PEX5: variants seen among roughly 807,000 people sequenced by gnomAD.
The protein encoded by PEX5 is PTS1 receptor.
PEX5 carries 52 observed loss-of-function variants against 82.9 expected under a neutral mutation model. The observed-to-expected ratio is 0.63, with a 90% confidence interval of 0.50 to 0.79. The LOEUF (loss-of-function observed/expected upper bound fraction) is 0.79. PEX5 is among the 30% of genes least tolerant of loss of function. The pLI, the probability that PEX5 is intolerant of heterozygous loss-of-function variation, is 0.00. For synonymous variants in PEX5, 300 were observed against 318.8 expected, an observed-to-expected ratio of 0.94 and a Z score of 0.63; for missense variants, 719 against 815.2, an observed-to-expected ratio of 0.88 and a Z score of 1.44.
chr12:7,212,642 T>G (rs987486747), downstream of PEX5: 1 of 152,180 alleles, frequency 6.6e-6, no homozygotes, highest in Non-Finnish European at 1.5e-5. Flanking sequence ...GGTCAATTAT[T>G]TACAGATTGT....
chr12:7,202,184 A>G (rs1944156954), intron 7 of PEX5, 57 bp from the exon 8 acceptor site: 1 of 1,612,712 alleles, frequency 6.2e-7, no homozygotes, highest in African/African-American at 1.3e-5. Flanking sequence ...GGCATGGTTG[A>G]GAGTGCACAC....
intron 5 of PEX5, 25 bp downstream of exon 5, chr12:7,191,725 A>C: frequency 1.2e-6 from 2 of 1,608,164 alleles, no homozygotes; most frequent in Non-Finnish European, 1.7e-6. Context: ...GGGAAAATCT[A>C]TATTGGCTTC....
downstream of PEX5, among the ~76,000 whole-genome samples, chr12:7,212,275 C>CTT (rs1035321354): frequency 1.1e-4 from 17 of 151,450 alleles, no homozygotes; most frequent in Admixed American, 7.2e-4. Context: ...AAAAAAAAGT[C>CTT]TAACTTTTAA....
chr12:7,214,865 T>C (rs1033600395), downstream of PEX5, among the ~76,000 whole-genome samples: 14 of 152,120 alleles, frequency 9.2e-5, no homozygotes, highest in Non-Finnish European at 1.6e-4. Context: ...ATAATACTGA[T>C]AATGATATCA....
Position 7,191,272 on chromosome 12 carries a change from G to T in PEX5, c.230G>T (p.Arg77Leu), listed in dbSNP as rs780957318. ...LQDQNAPLVS[R>L]APQTFKMDDL... ...GACCAGAATGCACCCCTTGTGTCCCGTGCCCCTCAGACCTTCAAGATGGAT... is the reference window on the plus strand; with the variant it reads ...GACCAGAATGCACCCCTTGTGTCCCTTGCCCCTCAGACCTTCAAGATGGAT... The change falls in exon 4 of 16, where the codon CGT (arginine) becomes CTT (leucine). Residue 77 changes from arginine (R) to leucine (L), a missense_variant. Arg to Leu is a moderately radical substitution (Grantham distance 102). Transcript: ENST00000675855. The T allele has an allele frequency of 6.2e-7, 1 of 1,614,070 alleles. No homozygotes were observed. The highest frequency in any genetic ancestry group is 8.5e-7 in the Non-Finnish European group (1 of 1,180,006).
chr12:7,195,562 T>C (rs1941926805), intron 5 of PEX5, among the ~76,000 whole-genome samples: 1 of 152,054 alleles, frequency 6.6e-6, no homozygotes, highest in Non-Finnish European at 1.5e-5. Context: ...ATATCTATTG[T>C]TAAGTCCTCA....
chr12:7,200,901 C>T (rs144257476), intron 6 of PEX5, among the ~76,000 whole-genome samples: 1,735 of 147,840 alleles, frequency 0.012, 29 homozygotes, highest in African/African-American at 0.042. Flanking sequence ...GGAGAGAGAC[C>T]GTAGGGAGAG....
At chr12:7,190,310 T>G in intron 1 of PEX5, 52 bp from the exon 2 acceptor site, 1 of 1,605,152 alleles carries the variant, frequency 6.2e-7, no homozygotes, top group Non-Finnish European at 8.5e-7. Context: ...GTTGTGGATG[T>G]GAGAAGGGTC....
At chr12:7,196,181 TTA>T (rs1488150728) in intron 5 of PEX5, among the ~76,000 whole-genome samples, 73 of 143,216 alleles carry the variant, frequency 5.1e-4, no homozygotes, top group African/African-American at 1.8e-3. Context: ...ACATTATATA[TTA>T]TATATAATGT....
intron 5 of PEX5, 130 bp downstream of exon 5, chr12:7,191,830 T>G: frequency 1.2e-6 from 1 of 839,250 alleles, no homozygotes; most frequent in East Asian, 2.5e-5. Flanking sequence ...GGTAGGGTAC[T>G]GAACTCAATT....
chr12:7,208,316 T>C lies in PEX5; in HGVS notation c.1182-141T>C, dbSNP rs536433562. Reference sequence around the variant, plus strand: ...AACCTTCCCCTTAGATCTGTAACTTTATTATTAACTCATGTCAGAGGAGTC... The same window carrying C: ...AACCTTCCCCTTAGATCTGTAACTTCATTATTAACTCATGTCAGAGGAGTC... On this transcript the variant is annotated intron_variant, in intron 12 of 15. Transcript: ENST00000675855. 2,315 of 754,798 alleles carry C rather than the reference T, an allele frequency of 3.1e-3. 6 individuals are homozygous for C. Among genetic ancestry groups the C allele is most frequent in the Non-Finnish European group, 4.2e-3 (1,800 of 425,596 alleles). The allele number at this position is 754,798 out of a possible 1,614,324, so 46.8% of individuals were successfully genotyped here.
chr12:7,189,732 TGCGGC>T lies in PEX5; in HGVS notation c.-27_-23del. 2.6e-6 allele frequency: 1 copy of T among 384,046 alleles called. No individual in the cohort carries two copies. The highest frequency in any genetic ancestry group is 4.2e-5 in the East Asian group (1 of 23,980). The allele number at this position is 384,046 out of a possible 1,614,324, so 23.8% of individuals were successfully genotyped here. On this transcript the variant is annotated 5_prime_UTR_variant, in exon 1 of 16. Coordinates refer to ENST00000675855, the MANE Select transcript of PEX5 (RefSeq NM_001351132.2). ...CAGCACCTGGTGCCCCGGCGGGTCG[TGCGGC>T]GCGGCGCTCCGCGGTGAGCGCCTGA...
chr12:7,190,040 T>C, intron 1 of PEX5: 1 of 1,502,948 alleles, frequency 6.7e-7, no homozygotes, highest in Middle Eastern at 1.8e-4. Flanking sequence ...TCCAGCCTGG[T>C]TGTTGAAGCG....
intron 5 of PEX5, among the ~76,000 whole-genome samples, chr12:7,197,363 AATTATAT>A (rs1942834657): frequency 6.6e-5 from 5 of 76,070 alleles, no homozygotes; most frequent in Non-Finnish European, 1.4e-4. Context: ...ACAATGTAAT[AATTATAT>A]ATGTCATATA....
At chr12:7,190,199 C>CT in intron 1 of PEX5, 163 bp from the exon 2 acceptor site, 1 of 1,553,772 alleles carries the variant, frequency 6.4e-7, no homozygotes, top group Non-Finnish European at 8.6e-7. Context: ...ACCGACCTCC[C>CT]TCGAACTCCT....
rs1462698656 is a variant in PEX5, at chr12:7,211,343, A to G, written c.*1120A>G. The G allele has an allele frequency of 1.5e-5, 2 of 135,026 alleles. No homozygotes were observed. Among genetic ancestry groups the G allele is most frequent in the African/African-American group, 6.0e-5 (2 of 33,096 alleles). 8.4% of individuals were successfully genotyped at this position (135,026 alleles called of 1,614,324 possible). A position where few individuals can be genotyped will look rare whatever the true frequency, so the allele number is the denominator to read the frequency against. ...CTTGTCTTTAGTAGCTAATGATCAG[A>G]GAGATTTTTTTTTTAAACTACCATG... On this transcript the variant is annotated 3_prime_UTR_variant, in exon 16 of 16. Coordinates refer to ENST00000675855, the MANE Select transcript of PEX5 (RefSeq NM_001351132.2).
At chr12:7,205,493 TAAAAG>T (rs775523502) in intron 10 of PEX5, among the ~76,000 whole-genome samples, 1 of 152,220 alleles carries the variant, frequency 6.6e-6, no homozygotes, top group Admixed American at 6.5e-5. Context: ...ACTATTATGA[TAAAAG>T]AGAAGTATGT....
chr12:7,205,543 A>G (rs1944661443), intron 10 of PEX5, among the ~76,000 whole-genome samples: 1 of 152,200 alleles, frequency 6.6e-6, no homozygotes, highest in South Asian at 2.1e-4. Flanking sequence ...TCATTTCTGC[A>G]GTTTGATCCT....
intron 6 of PEX5, 82 bp downstream of exon 6, chr12:7,199,195 C>A (rs927526440): frequency 1.9e-5 from 13 of 671,410 alleles, no homozygotes; most frequent in Non-Finnish European, 3.1e-5. Flanking sequence ...GTTCTCGAAC[C>A]AACTTACTTT....
Sources: allele counts gnomAD v4.1 joint callset (sites outside exome capture counted in the v4.1 genomes callset), GRCh38; gene constraint gnomAD v4.1.1; transcripts MANE v1.5; gene names NCBI Gene and HGNC (gene_info 2026-07-23, HGNC 2026-07-21).